Variants in HVCN1 observed in about 807,000 individuals in gnomAD.
HVCN1 encodes the protein voltage-gated hydrogen channel 1.
A neutral mutation model predicts 29.2 loss-of-function variants in HVCN1; 14 were observed. That is an observed-to-expected ratio of 0.48 (90% CI 0.32 to 0.75). The LOEUF is 0.75. Among genes scored for constraint, HVCN1 ranks in the 30% least tolerant of loss-of-function variants. HVCN1 has a pLI of 0.04. For missense variants in HVCN1, 263 were observed against 341.8 expected (o/e 0.77, Z 1.82); for synonymous variants, 131 against 133.2 (o/e 0.98, Z 0.11).
chr12:110,661,555 T>G lies in HVCN1; in HGVS notation c.22-107A>C. The G allele has an allele frequency of 1.0e-6, 1 of 1,002,248 alleles. No individual in the cohort carries two copies. Among genetic ancestry groups the G allele is most frequent in the African/African-American group, 1.6e-5 (1 of 62,084 alleles). 62.1% of individuals were successfully genotyped at this position (1,002,248 alleles called of 1,614,324 possible). A position where few individuals can be genotyped will look rare whatever the true frequency, so the allele number is the denominator to read the frequency against. On this transcript the variant is annotated intron_variant, in intron 3 of 7. Transcript: ENST00000242607. This position sits in a 1 kb window ranked among gnomAD's most constrained non-coding sequence, Gnocchi z 6.2. Reference sequence around the variant, plus strand: ...GCAGGTGAAGATGGTCCCGGGTGCGTAGAACCCCCTGCAAGCAGAGACCAT... The same window carrying G: ...GCAGGTGAAGATGGTCCCGGGTGCGGAGAACCCCCTGCAAGCAGAGACCAT...
rs1214786310 is a variant in HVCN1, at chr12:110,658,605, T to C, written c.306+2559A>G. ...GGCTCACTCCTGCTCAGCATGCAGG[T>C]GTCACCTCCTTCGACTCCAGTCCCT... On this transcript the variant is annotated intron_variant, in intron 4 of 7. Coordinates refer to ENST00000242607, the MANE Select transcript of HVCN1 (RefSeq NM_032369.4). This position sits in a 1 kb window ranked among gnomAD's most constrained non-coding sequence, Gnocchi z 5.0. 6.6e-6 allele frequency among the ~76,000 whole-genome samples: 1 copy of C among 152,126 alleles called. No homozygotes were observed. The highest frequency in any genetic ancestry group is 1.5e-5 in the Non-Finnish European group (1 of 68,008).
At chr12:110,662,510 G>A (rs546564761) in intron 3 of HVCN1, among the ~76,000 whole-genome samples, 1 of 152,300 alleles carries the variant, frequency 6.6e-6, no homozygotes, top group Non-Finnish European at 1.5e-5. Context: ...TTTGAGACCA[G>A]CCTGGCCAAC....
upstream of HVCN1, among the ~76,000 whole-genome samples, chr12:110,692,675 G>T (rs922373066): frequency 6.6e-6 from 1 of 152,066 alleles, no homozygotes; most frequent in Admixed American, 6.6e-5. Context: ...AGTGAGCTAC[G>T]ATTGCACCAC....
chr12:110,685,963 T>A (rs117490786), intron 2 of HVCN1, among the ~76,000 whole-genome samples: 92 of 152,130 alleles, frequency 6.0e-4, no homozygotes, highest in Non-Finnish European at 9.4e-4. Flanking sequence ...ATAATAGGCA[T>A]GAGCCATTGC....
At chr12:110,691,784 C>T (rs951377067), upstream of HVCN1, among the ~76,000 whole-genome samples, 1 of 152,204 alleles carries the variant, frequency 6.6e-6, no homozygotes, top group African/African-American at 2.4e-5. Context: ...CTTCCCCCAT[C>T]CCTTCCCCTA....
rs1355971904 is a variant in HVCN1 at position 110,661,583 on chromosome 12, GGTCAC to G, written c.22-140_22-136del. ...AACCCCCTGCAAGCAGAGACCATGA[GGTCAC>G]GGTGGTTTCTCGTGCTTTTATTTTT... On this transcript the variant is annotated intron_variant, in intron 3 of 7. Coordinates refer to ENST00000242607, the MANE Select transcript of HVCN1 (RefSeq NM_032369.4). This position sits in a 1 kb window ranked among gnomAD's most constrained non-coding sequence, Gnocchi z 6.2. 1 of 737,978 alleles carries G rather than the reference GGTCAC, an allele frequency of 1.4e-6. No homozygotes were observed. Among genetic ancestry groups the G allele is most frequent in the African/African-American group, 1.8e-5 (1 of 56,456 alleles). 45.7% of individuals were successfully genotyped at this position (737,978 alleles called of 1,614,324 possible).
chr12:110,684,361 T>C (rs1027577214), intron 2 of HVCN1, among the ~76,000 whole-genome samples: 15 of 152,222 alleles, frequency 9.9e-5, no homozygotes, highest in Non-Finnish European at 4.4e-5. Context: ...TGAATTTCAC[T>C]CCAATTGAAA....
intron 1 of HVCN1, among the ~76,000 whole-genome samples, chr12:110,704,305 TTA>T (rs773777195): frequency 1.3e-5 from 2 of 152,152 alleles, no homozygotes; most frequent in Non-Finnish European, 2.9e-5. Flanking sequence ...GATTTATTAT[TTA>T]GTATAGGTTA....
At chr12:110,654,408 T>C (rs1017099806) in intron 5 of HVCN1, among the ~76,000 whole-genome samples, 2 of 151,990 alleles carry the variant, frequency 1.3e-5, no homozygotes, top group Admixed American at 6.6e-5. Flanking sequence ...AAGACATACA[T>C]TTGCATATCA....
intron 1 of HVCN1, among the ~76,000 whole-genome samples, chr12:110,703,456 A>T (rs887753012): frequency 6.6e-6 from 1 of 152,104 alleles, no homozygotes; most frequent in African/African-American, 2.4e-5. Flanking sequence ...CGATCCAAGC[A>T]GAAATATTTA....
At chr12:110,699,635 T>A (rs1164728095) in intron 2 of HVCN1, among the ~76,000 whole-genome samples, 1 of 152,026 alleles carries the variant, frequency 6.6e-6, no homozygotes, top group Non-Finnish European at 1.5e-5. Flanking sequence ...CCAGATCGAA[T>A]GTGAGGCTGA....
intron 1 of HVCN1, among the ~76,000 whole-genome samples, chr12:110,703,042 C>A (rs1160263041): frequency 6.6e-6 from 1 of 151,898 alleles, no homozygotes; most frequent in Non-Finnish European, 1.5e-5. Context: ...CCTGCCTTGG[C>A]CTCCCAAAGT....
At chr12:110,684,696 G>T (rs1325015185) in intron 2 of HVCN1, among the ~76,000 whole-genome samples, 2 of 152,174 alleles carry the variant, frequency 1.3e-5, no homozygotes, top group African/African-American at 4.8e-5. Context: ...CTTCTGGGAG[G>T]CGTGAACTTT....
chr12:110,664,750 A>ATTTCT, intron 3 of HVCN1, among the ~76,000 whole-genome samples: 1 of 152,314 alleles, frequency 6.6e-6, no homozygotes, highest in Non-Finnish European at 1.5e-5. Context: ...GAAATAGGAA[A>ATTTCT]GGTATGCAGA....
intron 2 of HVCN1, among the ~76,000 whole-genome samples, chr12:110,683,804 C>T (rs907037055): frequency 2.7e-5 from 4 of 150,344 alleles, no homozygotes; most frequent in Admixed American, 6.7e-5. Flanking sequence ...CCAGCTACTT[C>T]GGAGGCTGAG....
chr12:110,695,780 G>C (rs1321897015), intron 2 of HVCN1, among the ~76,000 whole-genome samples: 1 of 152,210 alleles, frequency 6.6e-6, no homozygotes, highest in African/African-American at 2.4e-5. Context: ...GAGGTGGGAA[G>C]AGCTTGGCCT....
chr12:110,682,905 G>A (rs1412524681), intron 3 of HVCN1: 1 of 291,292 alleles, frequency 3.4e-6, no homozygotes, highest in African/African-American at 2.3e-5. Context: ...CAGAAGTTCT[G>A]GTGAGCTGAG....
intron 4 of HVCN1, among the ~76,000 whole-genome samples, chr12:110,656,626 T>C (rs1178901491): frequency 6.6e-6 from 1 of 152,226 alleles, no homozygotes; most frequent in Non-Finnish European, 1.5e-5. Flanking sequence ...ATCAGTAGAT[T>C]CTGGCCTCTG....
At chr12:110,662,903 C>T (rs1273020592) in intron 3 of HVCN1, among the ~76,000 whole-genome samples, 1 of 151,986 alleles carries the variant, frequency 6.6e-6, no homozygotes, top group Non-Finnish European at 1.5e-5. Flanking sequence ...TCTTATAAAT[C>T]AAAAAGAGAA....
Sources: allele counts gnomAD v4.1 joint callset (sites outside exome capture counted in the v4.1 genomes callset), GRCh38; gene constraint gnomAD v4.1.1; non-coding constraint Gnocchi (gnomAD v3.1); transcripts MANE v1.5; gene names NCBI Gene and HGNC (gene_info 2026-07-23, HGNC 2026-07-21).